Variants in SGCG observed in about 807,000 individuals in gnomAD.
SGCG encodes the protein sarcoglycan gamma.
In SGCG, 26 loss-of-function variants were observed where a neutral mutation model predicts 29.3. That is an observed-to-expected ratio of 0.89 (90% CI 0.65 to 1.23). The LOEUF (loss-of-function observed/expected upper bound fraction) is 1.23. Among genes scored for constraint, SGCG ranks in the 50% most tolerant of loss-of-function variants. SGCG has a pLI of 0.00. For missense variants in SGCG, 353 were observed against 356.0 expected, an observed-to-expected ratio of 0.99 and a Z score of 0.07; for synonymous variants, 145 against 129.7, an observed-to-expected ratio of 1.12 and a Z score of -0.80.
chr13:23,163,783 T>C, the SGCG span, among the ~76,000 whole-genome samples: 1 of 152,164 alleles, frequency 6.6e-6, no homozygotes, highest in South Asian at 2.1e-4. Context: ...TTTTTAAACA[T>C]GAAAAATTTA....
chr13:23,289,226 C>T (rs1006003781), intron 5 of SGCG, among the ~76,000 whole-genome samples: 1 of 152,198 alleles, frequency 6.6e-6, no homozygotes, highest in African/African-American at 2.4e-5. Flanking sequence ...CGCCGTGCTG[C>T]AGTCCATGGT....
the SGCG span, among the ~76,000 whole-genome samples, chr13:23,172,837 T>C: frequency 2.0e-5 from 3 of 152,230 alleles, no homozygotes; most frequent in East Asian, 5.8e-4. Context: ...TGAAGGTGCT[T>C]AGGGGGACAC....
chr13:23,175,738 T>G, the SGCG span, among the ~76,000 whole-genome samples: 71 of 152,242 alleles, frequency 4.7e-4, no homozygotes, highest in Middle Eastern at 3.4e-3. Flanking sequence ...AATATTGACT[T>G]CCAATTCCCC....
At chr13:23,162,063 A>G in the SGCG span, among the ~76,000 whole-genome samples, 8 of 152,272 alleles carry the variant, frequency 5.3e-5, no homozygotes, top group South Asian at 2.1e-4. Flanking sequence ...TATAAAATCA[A>G]TAAACTTTCA....
chr13:23,216,576 T>A (rs1878437843), intron 2 of SGCG, among the ~76,000 whole-genome samples: 1 of 152,164 alleles, frequency 6.6e-6, no homozygotes, highest in Admixed American at 6.5e-5. Flanking sequence ...ACCATGATAT[T>A]CCCTCACAAA....
chr13:23,162,429 G>A, the SGCG span, among the ~76,000 whole-genome samples: 1,390 of 152,248 alleles, frequency 9.1e-3, 11 homozygotes, highest in African/African-American at 0.031. Context: ...CCTGGCTCCT[G>A]GCTAACACGG....
chr13:23,299,456 A>ATATAT (rs1882059808), intron 6 of SGCG, among the ~76,000 whole-genome samples: 2 of 41,542 alleles, frequency 4.8e-5, no homozygotes, highest in Admixed American at 4.0e-4. Flanking sequence ...ATATATATAT[A>ATATAT]TTTTTTTTTT....
chr13:23,192,278 A>G (rs751362781), intron 1 of SGCG, among the ~76,000 whole-genome samples: 1 of 151,854 alleles, frequency 6.6e-6, no homozygotes, highest in African/African-American at 2.4e-5. Flanking sequence ...ATAATATGTA[A>G]CTCTATCATT....
intron 1 of SGCG, among the ~76,000 whole-genome samples, chr13:23,193,313 C>G (rs1361520572): frequency 6.6e-6 from 1 of 152,132 alleles, no homozygotes; most frequent in Admixed American, 6.5e-5. Flanking sequence ...TGGGAAGCCA[C>G]GAGTGACTTT....
chr13:23,310,155 C>T (rs1007745645), intron 6 of SGCG, among the ~76,000 whole-genome samples: 10 of 140,336 alleles, frequency 7.1e-5, no homozygotes, highest in Admixed American at 2.3e-4. Context: ...GACACGATCT[C>T]GGCTCACTGC....
chr13:23,322,681 A>G (rs909076693), intron 7 of SGCG, among the ~76,000 whole-genome samples: 6 of 151,902 alleles, frequency 3.9e-5, no homozygotes, highest in African/African-American at 1.4e-4. Context: ...TAGTACAACA[A>G]GAAGGCACAT....
At chr13:23,245,649 T>C (rs1593194249) in intron 3 of SGCG, 1 of 152,202 alleles carries the variant, frequency 6.6e-6, no homozygotes, top group Non-Finnish European at 1.5e-5. Context: ...TAGAGTCATT[T>C]ATGAAAAAAG....
chr13:23,320,832 T>TATC, intron 7 of SGCG, 72 bp downstream of exon 7: 1 of 1,466,778 alleles, frequency 6.8e-7, no homozygotes, highest in Admixed American at 1.7e-5. Context: ...TCTGTAAAGC[T>TATC]ATCAGTATTA....
intron 4 of SGCG, among the ~76,000 whole-genome samples, chr13:23,254,501 C>CAA (rs879761489): frequency 7.1e-6 from 1 of 140,256 alleles, no homozygotes. Flanking sequence ...GATATAAGAG[C>CAA]AAAAAAAAAA....
intron 6 of SGCG, among the ~76,000 whole-genome samples, chr13:23,310,965 T>C (rs1424909664): frequency 6.6e-6 from 1 of 152,228 alleles, no homozygotes; most frequent in Admixed American, 6.5e-5. Flanking sequence ...TCTATTTAGC[T>C]TTACCAGCAC....
intron 4 of SGCG, among the ~76,000 whole-genome samples, chr13:23,261,869 G>C (rs774889445): frequency 2.6e-5 from 4 of 151,574 alleles, no homozygotes; most frequent in Non-Finnish European, 5.9e-5. Context: ...TCATTAAAGA[G>C]AACAACTGTC....
chr13:23,300,681 C>A (rs935774771), intron 6 of SGCG, among the ~76,000 whole-genome samples: 3 of 151,966 alleles, frequency 2.0e-5, no homozygotes, highest in Non-Finnish European at 4.4e-5. Flanking sequence ...ACAGTAAAAA[C>A]TGCACCAAAG....
intron 2 of SGCG, among the ~76,000 whole-genome samples, chr13:23,232,331 G>A (rs1186455741): frequency 2.6e-5 from 4 of 152,192 alleles, no homozygotes; most frequent in Admixed American, 1.3e-4. Context: ...GTCTTTGAAA[G>A]TAGAAGTCTA....
chr13:23,194,760 T>C (rs9552872), intron 1 of SGCG, among the ~76,000 whole-genome samples: 70,345 of 151,996 alleles, frequency 0.46, 16,455 homozygotes, highest in Admixed American at 0.51. Flanking sequence ...TGGACATGTG[T>C]CCACATGACC....
Sources: allele counts gnomAD v4.1 joint callset (sites outside exome capture counted in the v4.1 genomes callset), GRCh38; gene constraint gnomAD v4.1.1; transcripts MANE v1.5; gene names NCBI Gene and HGNC (gene_info 2026-07-23, HGNC 2026-07-21).